The following DNAH12 variants were observed in gnomAD, a reference collection of about 807,000 sequenced individuals.
DNAH12 encodes axonemal beta dynein heavy chain 12.
Under a neutral mutation model 371.5 loss-of-function variants are expected in DNAH12, and 285 were observed. The observed-to-expected ratio is 0.77, with a 90% CI of 0.70 to 0.85. DNAH12 has a LOEUF of 0.85. Among genes scored for constraint, DNAH12 ranks in the 40% least tolerant of loss-of-function variants. DNAH12 has a pLI of 0.00. For synonymous variants in DNAH12, 1,200 were observed against 1,213.0 expected, an observed-to-expected ratio of 0.99 and a Z score of 0.22; for missense variants, 3,611 against 3,689.4, an observed-to-expected ratio of 0.98 and a Z score of 0.55.
intron 1 of DNAH12, among the ~76,000 whole-genome samples, chr3:57,543,457 G>A (rs1205517754): frequency 2.0e-5 from 3 of 149,914 alleles, no homozygotes; most frequent in Non-Finnish European, 3.0e-5. Flanking sequence ...CGAGTAGCTA[G>A]GACTACAGGT....
intron 30 of DNAH12, 84 bp from the exon 31 acceptor site, chr3:57,433,912 G>T: frequency 8.9e-7 from 1 of 1,129,826 alleles, no homozygotes; most frequent in Non-Finnish European, 1.1e-6. Flanking sequence ...TTTACCCTGT[G>T]ATAATTACTA....
chr3:57,489,476 A>G (rs2067041978), intron 12 of DNAH12, 33 bp downstream of exon 12: 4 of 1,473,356 alleles, frequency 2.7e-6, no homozygotes, highest in Non-Finnish European at 3.6e-6. Flanking sequence ...TTTTAGCCAT[A>G]TAATTCTGAG....
intron 49 of DNAH12, among the ~76,000 whole-genome samples, chr3:57,382,930 T>C (rs953234191): frequency 1.3e-5 from 2 of 152,224 alleles, no homozygotes; most frequent in South Asian, 2.1e-4. Flanking sequence ...CTAACAACTA[T>C]ATATCTTAGT....
Position 57,322,430 on chromosome 3 carries a change from C to A in DNAH12, c.10437G>T (p.Thr3479=). ...NGVKMTNEPP[T]GLRLNLLQSY... ...ATTGAAGGAGATTCAGCCGAAGACC[C>A]GTGGGAGGTTCATTAGTCATTTTTA... is the stretch of plus-strand genomic sequence containing the variant. The change falls in exon 65 of 74, where the codon ACG becomes ACT. Residue 3479 remains threonine, a synonymous_variant. Transcript: ENST00000495027. 1 of 1,552,108 alleles carries A rather than the reference C, an allele frequency of 6.4e-7. No individual in the cohort carries two copies. The highest frequency in any genetic ancestry group is 1.4e-5 in the African/African-American group (1 of 73,118).
rs915978951 is a variant in DNAH12, at chr3:57,355,640, A to T, written c.9533+1536T>A. Among the ~76,000 whole-genome samples, 833 of 152,342 alleles carry T rather than the reference A, an allele frequency of 5.5e-3. 5 individuals are homozygous for T. The highest frequency in any genetic ancestry group is 0.024 in the Middle Eastern group (7 of 294). On this transcript the variant is annotated intron_variant, in intron 59 of 73. Transcript: ENST00000495027. ...GGCCACCTTATTTTAAAATCCAACC[A>T]GCAGTGTAAGAGGGTTCCAATTACT...
In DNAH12 at chr3:57,372,060, G is replaced by A. The variant is rs935586903; in HGVS notation, c.8759+3311C>T. On this transcript the variant is annotated intron_variant, in intron 55 of 73. Coordinates refer to ENST00000495027, the MANE Select transcript of DNAH12 (RefSeq NM_001366028.2). Reference sequence around the variant, plus strand: ...GTAGAAGGCACAAGATCTAGCATTTGATAGTGCAGTAGGGTAACTATAGTT... The same window carrying A: ...GTAGAAGGCACAAGATCTAGCATTTAATAGTGCAGTAGGGTAACTATAGTT... Among the ~76,000 whole-genome samples the A allele has an allele frequency of 1.1e-3, 162 of 150,620 alleles. 3 individuals are homozygous for A. Among genetic ancestry groups the A allele is most frequent in the Non-Finnish European group, 1.3e-3 (91 of 67,672 alleles).
intron 43 of DNAH12, among the ~76,000 whole-genome samples, chr3:57,402,212 A>G (rs1239116981): frequency 6.6e-6 from 1 of 152,218 alleles, no homozygotes; most frequent in Non-Finnish European, 1.5e-5. Context: ...TCCGCCTAGA[A>G]GTAGCAAAGA....
At position 57,415,539 on chromosome 3, in the gene DNAH12, C is replaced by T. The variant is rs189965161; in HGVS notation, c.5740G>A (p.Gly1914Ser). The change falls in exon 38 of 74, where the codon GGT becomes AGT. Residue 1914 changes from glycine (G) to serine (S), a missense_variant. Gly to Ser is a moderately conservative substitution (Grantham distance 56). Transcript: ENST00000495027. Reference protein sequence around the residue: ...AKPLLFVGPTGTGKSVYVKDK... With the variant: ...AKPLLFVGPTSTGKSVYVKDK... ...TTCACATACACAGATTTTCCTGTAC[C>T]CGTTGGACCCACAAAAAGGAGTGGC... 7.9e-3 allele frequency: 12,273 copies of T among 1,544,022 alleles called. 63 individuals carry two copies. Among genetic ancestry groups the T allele is most frequent in the Non-Finnish European group, 9.4e-3 (10,727 of 1,145,402 alleles).
At chr3:57,363,098 G>C (rs1281225203) in intron 58 of DNAH12, among the ~76,000 whole-genome samples, 5 of 152,090 alleles carry the variant, frequency 3.3e-5, no homozygotes, top group African/African-American at 9.7e-5. Flanking sequence ...CAATGGAACA[G>C]AACGGAGCCC....
chr3:57,487,288 A>AAATGAAGG (rs2066951776), intron 12 of DNAH12, among the ~76,000 whole-genome samples: 1 of 110,508 alleles, frequency 9.0e-6, no homozygotes, highest in Non-Finnish European at 1.8e-5. Flanking sequence ...AAGAAGGAAG[A>AAATGAAGG]AAGGAAGGAA....
intron 32 of DNAH12, 67 bp from the exon 33 acceptor site, chr3:57,429,841 CT>C: frequency 2.2e-6 from 3 of 1,339,170 alleles, no homozygotes; most frequent in Non-Finnish European, 3.0e-6. Flanking sequence ...AAAATTTATA[CT>C]ATGTATAAAA....
the DNAH12 span, among the ~76,000 whole-genome samples, chr3:57,551,985 C>A: frequency 2.7e-5 from 4 of 149,266 alleles, no homozygotes; most frequent in African/African-American, 9.9e-5. Flanking sequence ...TGGTTCACGC[C>A]TGTAATCCCA....
Position 57,433,397 on chromosome 3 carries a change from GCT to G in DNAH12, c.4948_4949del (p.Ser1650HisfsTer7). 6.4e-7 allele frequency: 1 copy of G among 1,551,178 alleles called. No individual in the cohort carries two copies. The part of the protein sequence containing the change: ...DGPIDTLWIE[S>X]MNTVLDDNKK... ...TATTATCATCCAATACTGTGTTCATGCTCTCTATCCACAAAGTGTCAATAGGA... is the reference window on the plus strand; with the variant it reads ...TATTATCATCCAATACTGTGTTCATGCTCTATCCACAAAGTGTCAATAGGA... On this transcript the variant is annotated frameshift_variant, in exon 32 of 74. Coordinates refer to ENST00000495027, the MANE Select transcript of DNAH12 (RefSeq NM_001366028.2). LOFTEE classifies it high-confidence loss of function.
intron 4 of DNAH12, among the ~76,000 whole-genome samples, chr3:57,516,866 A>G (rs779068692): frequency 5.3e-5 from 8 of 152,172 alleles, no homozygotes; most frequent in Non-Finnish European, 7.4e-5. Context: ...ATGACTTCCA[A>G]TTGCCACTCT....
chr3:57,501,470 C>G (rs1452327328), intron 10 of DNAH12, 58 bp from the exon 11 acceptor site: 6 of 1,285,442 alleles, frequency 4.7e-6, no homozygotes, highest in Non-Finnish European at 6.5e-6. Context: ...AGATAAAACA[C>G]TTTTTTTATA....
chr3:57,555,006 G>T, the DNAH12 span, among the ~76,000 whole-genome samples: 58,695 of 151,966 alleles, frequency 0.39, 13,156 homozygotes, highest in African/African-American at 0.62. Context: ...AGAATTTTGG[G>T]AGGGTAAGGC....
chr3:57,477,322 C>T (rs1315362739), intron 13 of DNAH12, among the ~76,000 whole-genome samples: 1 of 152,120 alleles, frequency 6.6e-6, no homozygotes, highest in Non-Finnish European at 1.5e-5. Context: ...GAGCCTCACT[C>T]ATTGCTAGCA....
intron 25 of DNAH12, among the ~76,000 whole-genome samples, chr3:57,447,053 G>A (rs2065527587): frequency 6.6e-6 from 1 of 152,050 alleles, no homozygotes; most frequent in Non-Finnish European, 1.5e-5. Flanking sequence ...CTGCAAAGGG[G>A]GTAAAACACC....
At chr3:57,369,928 C>T (rs930865015) in intron 55 of DNAH12, among the ~76,000 whole-genome samples, 1 of 152,092 alleles carries the variant, frequency 6.6e-6, no homozygotes, top group Admixed American at 6.5e-5. Context: ...AATCTGACTT[C>T]TATTTAATAT....
Sources: allele counts gnomAD v4.1 joint callset (sites outside exome capture counted in the v4.1 genomes callset), GRCh38; gene constraint gnomAD v4.1.1; transcripts MANE v1.5; gene names NCBI Gene and HGNC (gene_info 2026-07-23, HGNC 2026-07-21).